The following FAM53A variants were observed in gnomAD, a reference collection of about 807,000 sequenced individuals.
FAM53A encodes the protein family with sequence similarity 53 member A.
A neutral mutation model predicts 26.6 loss-of-function variants in FAM53A; 28 were observed. The observed-to-expected ratio is 1.05, with a 90% CI of 0.78 to 1.45. The LOEUF (loss-of-function observed/expected upper bound fraction) is 1.45, where lower values mean the gene tolerates loss of function less well. Ranked by LOEUF, FAM53A falls within the 40% of genes most tolerant of loss-of-function variation. FAM53A has a pLI of 0.00. For missense variants in FAM53A, 650 were observed against 575.8 expected (o/e 1.13, Z -1.32); for synonymous variants, 290 against 253.1 (o/e 1.15, Z -1.38).
chr4:1,640,529 C>T lies in FAM53A; in HGVS notation c.*764G>A, dbSNP rs983897481. On this transcript the variant is annotated 3_prime_UTR_variant, in exon 5 of 5. Transcript: ENST00000308132. ...GCATCCAAAATAGAGAAGCTTTCTC[C>T]CGAACTGCAAAAGCCATAAAAATGC... The T allele has an allele frequency of 1.2e-4, 38 of 313,900 alleles. No individual in the cohort carries two copies. Among genetic ancestry groups the T allele is most frequent in the African/African-American group, 8.8e-4 (38 of 43,268 alleles). The allele number at this position is 313,900 out of a possible 1,614,324, so 19.4% of individuals were successfully genotyped here.
At chr4:1,670,324 T>C (rs915579777) in intron 1 of FAM53A, among the ~76,000 whole-genome samples, 9 of 152,218 alleles carry the variant, frequency 5.9e-5, no homozygotes, top group Non-Finnish European at 2.9e-5. Context: ...AGCCAGCATC[T>C]TCCTGAATGA....
chr4:1,578,784 A>G, the FAM53A span, among the ~76,000 whole-genome samples: 3 of 107,306 alleles, frequency 2.8e-5, no homozygotes, highest in South Asian at 1.2e-3. Flanking sequence ...AGGGGAGAGA[A>G]GAGGGGGAGA....
At chr4:1,621,396 G>T (rs1020665786) in intron 1 of FAM53A, among the ~76,000 whole-genome samples, 1 of 152,108 alleles carries the variant, frequency 6.6e-6, no homozygotes, top group Admixed American at 6.5e-5. Context: ...GAGCCACCGC[G>T]CCCGGTCAGT....
chr4:1,633,833 A>T (rs1715719426), intron 1 of FAM53A, among the ~76,000 whole-genome samples: 1 of 152,072 alleles, frequency 6.6e-6, no homozygotes, highest in African/African-American at 2.4e-5. Flanking sequence ...TACCAGAATT[A>T]ACTTAAAGAG....
At chr4:1,627,073 C>T (rs1329223813) in intron 1 of FAM53A, among the ~76,000 whole-genome samples, 2 of 152,188 alleles carry the variant, frequency 1.3e-5, no homozygotes, top group East Asian at 1.9e-4. Context: ...GCCATGTGGA[C>T]GCAGGCCAGG....
At chr4:1,627,790 G>A (rs528951743) in intron 1 of FAM53A, among the ~76,000 whole-genome samples, 6 of 152,138 alleles carry the variant, frequency 3.9e-5, no homozygotes, top group African/African-American at 1.4e-4. Flanking sequence ...GCCCCACCTG[G>A]GGGTCTCCAC....
rs531271732 is a variant in FAM53A at position 1,626,621 on chromosome 4, G to T, written c.432-8510C>A. On this transcript the variant is annotated intron_variant, in intron 1 of 1. Transcript: ENST00000489029. ...CCACAGTGATGTTTTGCATCTGGGGGACCCGGGACAGTGTAAACTCTCAGC... is the reference window on the plus strand; with the variant it reads ...CCACAGTGATGTTTTGCATCTGGGGTACCCGGGACAGTGTAAACTCTCAGC... Among the ~76,000 whole-genome samples, 423 of 151,812 alleles carry T rather than the reference G, an allele frequency of 2.8e-3. 2 individuals are homozygous for T. Among genetic ancestry groups the T allele is most frequent in the African/African-American group, 9.8e-3 (407 of 41,420 alleles).
the FAM53A span, among the ~76,000 whole-genome samples, chr4:1,611,213 A>G: frequency 6.6e-6 from 1 of 151,896 alleles, no homozygotes; most frequent in Admixed American, 6.5e-5. Flanking sequence ...TGTGGCCTTC[A>G]CTCCTCTTGC....
the FAM53A span, among the ~76,000 whole-genome samples, chr4:1,579,157 G>T: frequency 1.3e-5 from 2 of 151,174 alleles, no homozygotes; most frequent in African/African-American, 2.4e-5. Context: ...GCCTCCAGGG[G>T]CTCCCGTCAG....
At chr4:1,590,705 T>C in the FAM53A span, among the ~76,000 whole-genome samples, 3 of 151,832 alleles carry the variant, frequency 2.0e-5, no homozygotes, top group Non-Finnish European at 4.4e-5. Flanking sequence ...ATGGCCTGTT[T>C]TTGTGAATAA....
At chr4:1,641,840 C>T (rs753002767) in intron 4 of FAM53A, among the ~76,000 whole-genome samples, 8 of 152,250 alleles carry the variant, frequency 5.3e-5, no homozygotes, top group African/African-American at 1.2e-4. Context: ...CCTCAGCCCC[C>T]GCCCAGCTGG....
At chr4:1,581,725 A>ATTCTC in the FAM53A span, among the ~76,000 whole-genome samples, 2 of 152,040 alleles carry the variant, frequency 1.3e-5, no homozygotes, top group African/African-American at 4.8e-5. Context: ...CTCCCAAGTA[A>ATTCTC]CTGGGATTAC....
Position 1,655,060 on chromosome 4 carries a change from C to G in FAM53A, c.800G>C (p.Gly267Ala). ...CCTCCGTTTGCGCCGGCTCCTCTTC[C>G]CACTGAGCACGCAAGGCTGTGAGCG... is the stretch of plus-strand genomic sequence containing the variant. ...RCRSQPCVLS[G>A]KRSRRKRRRE... The change falls in exon 4 of 5, where the codon GGG (glycine) becomes GCG (alanine). Residue 267 changes from glycine (G) to alanine (A), a missense_variant. Gly to Ala is a moderately conservative substitution (Grantham distance 60). Coordinates refer to ENST00000308132, the MANE Select transcript of FAM53A (RefSeq NM_001174070.3). The G allele has an allele frequency of 6.3e-7, 1 of 1,599,094 alleles. No individual in the cohort carries two copies.
intron 4 of FAM53A, among the ~76,000 whole-genome samples, chr4:1,648,636 G>A (rs1456977935): frequency 1.3e-5 from 2 of 152,208 alleles, no homozygotes; most frequent in Admixed American, 6.5e-5. Context: ...ACACTCGTGA[G>A]CAAGCAGACC....
chr4:1,649,323 T>C (rs1229065240), intron 4 of FAM53A, among the ~76,000 whole-genome samples: 1 of 152,200 alleles, frequency 6.6e-6, no homozygotes, highest in African/African-American at 2.4e-5. Flanking sequence ...CCCCTACCTG[T>C]CTGTGGCCAA....
chr4:1,684,473 G>C (rs1715676017), upstream of FAM53A, among the ~76,000 whole-genome samples: 1 of 150,268 alleles, frequency 6.7e-6, no homozygotes, highest in Admixed American at 6.6e-5. Context: ...CAGGCGCCCA[G>C]GCTCGCACCG....
chr4:1,667,740 A>G lies in FAM53A; in HGVS notation c.75+927T>C, dbSNP rs368569530. ...AAGGGGCTACAAATGCAACGTGCCC[A>G]CGTCTCCAGAGCCACAGCCAAGCCA... On this transcript the variant is annotated intron_variant, in intron 2 of 4. Transcript: ENST00000308132. 5.9e-5 allele frequency among the ~76,000 whole-genome samples: 9 copies of G among 152,176 alleles called. No individual in the cohort carries two copies. In the East Asian group the frequency reaches 1.2e-3, roughly 20 times the overall value.
the FAM53A span, among the ~76,000 whole-genome samples, chr4:1,591,286 A>T: frequency 5.3e-5 from 8 of 151,894 alleles, no homozygotes; most frequent in East Asian, 1.6e-3. Flanking sequence ...ATTGAGTCTA[A>T]CTCATTTACA....
intron 4 of FAM53A, chr4:1,644,666 G>C (rs536618784): frequency 3.6e-6 from 1 of 279,468 alleles, no homozygotes; most frequent in South Asian, 7.7e-5. Context: ...CAAAACAGTT[G>C]TCCAAAACAC....
Sources: gnomAD v4.1 joint callset for allele counts (sites outside exome capture counted in the v4.1 genomes callset) on GRCh38, gnomAD v4.1.1 for gene constraint, MANE v1.5 for transcripts, NCBI Gene and HGNC (gene_info 2026-07-23, HGNC 2026-07-21) for gene names.